The following TXLNB variants were observed in gnomAD, a reference collection of about 807,000 sequenced individuals.
TXLNB encodes taxilin beta.
TXLNB carries 37 observed loss-of-function variants against 57.4 expected under a neutral mutation model. That is an observed-to-expected ratio of 0.64 (90% CI 0.50 to 0.85). TXLNB has a LOEUF of 0.85. TXLNB is among the 40% of genes least tolerant of loss of function. The probability of loss-of-function intolerance (pLI) is 0.00; values close to 1 mark genes in which losing one functional copy is unlikely to be tolerated. For missense variants in TXLNB, 848 were observed against 825.6 expected (o/e 1.03, Z -0.33); for synonymous variants, 302 against 309.6 (o/e 0.98, Z 0.26).
the TXLNB span, among the ~76,000 whole-genome samples, chr6:139,162,056 C>A: frequency 1.3e-5 from 2 of 152,172 alleles, no homozygotes; most frequent in East Asian, 3.9e-4. Context: ...ATCTTTAATG[C>A]GACTTTTTTC....
chr6:139,192,983 A>C, the TXLNB span, among the ~76,000 whole-genome samples: 122 of 151,224 alleles, frequency 8.1e-4, no homozygotes, highest in South Asian at 2.3e-3. Context: ...AACAAAAAAA[A>C]AAAACAACAA....
chr6:139,259,979 T>C (rs536034310), intron 6 of TXLNB, among the ~76,000 whole-genome samples: 149 of 152,226 alleles, frequency 9.8e-4, no homozygotes, highest in African/African-American at 3.4e-3. Flanking sequence ...TCCCAGCACT[T>C]TGGGAGGCCG....
chr6:139,211,225 C>T, the TXLNB span, among the ~76,000 whole-genome samples: 194 of 152,316 alleles, frequency 1.3e-3, no homozygotes, highest in African/African-American at 4.5e-3. Flanking sequence ...CTGGGAGGCA[C>T]CCCCGAGTAG....
the TXLNB span, among the ~76,000 whole-genome samples, chr6:139,216,874 G>C: frequency 6.6e-6 from 1 of 152,150 alleles, no homozygotes; most frequent in African/African-American, 2.4e-5. Context: ...GGGAAGAGTT[G>C]GAGGGGGTTA....
chr6:139,253,332 A>T (rs1325186562), intron 7 of TXLNB, among the ~76,000 whole-genome samples: 1 of 152,208 alleles, frequency 6.6e-6, no homozygotes, highest in Non-Finnish European at 1.5e-5. Context: ...CATAATTTCC[A>T]TCCACAGTTG....
chr6:139,320,027 G>A, the TXLNB span, among the ~76,000 whole-genome samples: 1 of 152,006 alleles, frequency 6.6e-6, no homozygotes, highest in Non-Finnish European at 1.5e-5. Flanking sequence ...CTCTTAATTT[G>A]TAGTGGTTAT....
At chr6:139,180,034 T>G in the TXLNB span, 1 of 152,234 alleles carries the variant, frequency 6.6e-6, no homozygotes, top group African/African-American at 2.4e-5. Context: ...CTTCATTCTC[T>G]TGTTACATTT....
At chr6:139,160,218 C>T in the TXLNB span, among the ~76,000 whole-genome samples, 2 of 152,108 alleles carry the variant, frequency 1.3e-5, no homozygotes, top group Admixed American at 6.5e-5. Flanking sequence ...TGATGATGAA[C>T]CTAAAATACA....
rs577685795 is a variant in TXLNB, at chr6:139,240,183, T to A, written c.*2343A>T. ...CTAAAAAATAGTTACATACACTTGA[T>A]AAAGAACAGACATTCCTTCTGAATT... On this transcript the variant is annotated 3_prime_UTR_variant, in exon 10 of 10. Coordinates refer to ENST00000358430, the MANE Select transcript of TXLNB (RefSeq NM_153235.4). The A allele has an allele frequency of 7.9e-5, 12 of 152,636 alleles. No homozygotes were observed. Among genetic ancestry groups the A allele is most frequent in the Non-Finnish European group, 1.6e-4 (11 of 68,028 alleles). 9.5% of individuals were successfully genotyped at this position (152,636 alleles called of 1,614,324 possible).
chr6:139,302,765 C>T, the TXLNB span, among the ~76,000 whole-genome samples: 17 of 150,758 alleles, frequency 1.1e-4, no homozygotes, highest in African/African-American at 3.7e-4. Flanking sequence ...GCTTGGGCAA[C>T]AAGAGTGAAA....
At chr6:139,252,338 A>G (rs1001256089) in intron 7 of TXLNB, among the ~76,000 whole-genome samples, 1 of 152,252 alleles carries the variant, frequency 6.6e-6, no homozygotes, top group Non-Finnish European at 1.5e-5. Flanking sequence ...AGAATCTGTG[A>G]TAGAGTTTGT....
the TXLNB span, among the ~76,000 whole-genome samples, chr6:139,223,588 C>T: frequency 6.6e-6 from 1 of 151,842 alleles, no homozygotes; most frequent in Non-Finnish European, 1.5e-5. Flanking sequence ...TGAACCCAAA[C>T]AAATTTACAA....
At chr6:139,163,213 G>T in the TXLNB span, among the ~76,000 whole-genome samples, 1 of 152,208 alleles carries the variant, frequency 6.6e-6, no homozygotes, top group African/African-American at 2.4e-5. Context: ...CTACGGGATG[G>T]ACAGTGAGGT....
chr6:139,213,793 G>T, the TXLNB span, among the ~76,000 whole-genome samples: 2 of 152,204 alleles, frequency 1.3e-5, no homozygotes, highest in Admixed American at 6.5e-5. Flanking sequence ...TGACAAAGGG[G>T]ATATCACCAC....
At chr6:139,204,220 C>A in the TXLNB span, among the ~76,000 whole-genome samples, 1 of 152,030 alleles carries the variant, frequency 6.6e-6, no homozygotes, top group Admixed American at 6.5e-5. Context: ...CCATGCCCGG[C>A]TAATTTTTGC....
intron 1 of TXLNB, among the ~76,000 whole-genome samples, chr6:139,289,747 A>C (rs1020415341): frequency 6.6e-6 from 1 of 152,246 alleles, no homozygotes. Flanking sequence ...GTAGATTAAC[A>C]ATCACTGGGG....
At chr6:139,162,465 A>G in the TXLNB span, among the ~76,000 whole-genome samples, 3,142 of 152,350 alleles carry the variant, frequency 0.021, 115 homozygotes, top group African/African-American at 0.071. Flanking sequence ...GTCCAAGAGC[A>G]TGCAGCTCAT....
Position 139,242,760 on chromosome 6 carries a change from C to T in TXLNB, c.1821G>A (p.Glu607=). ...AQADQASWKP[E]AEASGQAPQA... ...GTGGGGCCTGACCGGAAGCTTCTGC[C>T]TCTGGCTTCCAGGACGCCTGATCAG... The change falls in exon 10 of 10, where the codon GAG becomes GAA. Residue 607 remains glutamate (E), a synonymous_variant. Coordinates refer to ENST00000358430, the MANE Select transcript of TXLNB (RefSeq NM_153235.4). 1 of 1,614,160 alleles carries T rather than the reference C, an allele frequency of 6.2e-7. No individual in the cohort carries two copies. Among genetic ancestry groups the T allele is most frequent in the African/African-American group, 1.3e-5 (1 of 75,062 alleles).
the TXLNB span, among the ~76,000 whole-genome samples, chr6:139,190,069 A>G: frequency 6.6e-6 from 1 of 152,170 alleles, no homozygotes; most frequent in Non-Finnish European, 1.5e-5. Flanking sequence ...CTTTCAGAAA[A>G]CCAAATGTCA....
Sources: gnomAD v4.1 joint callset for allele counts (sites outside exome capture counted in the v4.1 genomes callset) on GRCh38, gnomAD v4.1.1 for gene constraint, MANE v1.5 for transcripts, NCBI Gene and HGNC (gene_info 2026-07-23, HGNC 2026-07-21) for gene names.